The following CTSC variants were observed in gnomAD, a reference collection of about 807,000 sequenced individuals.
The protein encoded by CTSC is cathepsin C.
CTSC carries 37 observed loss-of-function variants against 40.9 expected under a neutral mutation model. The observed-to-expected ratio is 0.91, with a 90% CI of 0.70 to 1.19. CTSC has a LOEUF of 1.19. CTSC is among the 50% of genes most tolerant of loss of function. The pLI is 0.00. For missense variants in CTSC, 594 were observed against 567.3 expected (o/e 1.05, Z -0.48); for synonymous variants, 232 against 207.4 (o/e 1.12, Z -1.02).
chr11:88,309,650 T>C (rs907987339), intron 3 of CTSC, among the ~76,000 whole-genome samples: 7 of 152,166 alleles, frequency 4.6e-5, no homozygotes, highest in Non-Finnish European at 8.8e-5. Flanking sequence ...TAGAAAGTTA[T>C]TTAATGATAT....
At chr11:88,301,230 C>T (rs1238945824) in intron 4 of CTSC, among the ~76,000 whole-genome samples, 2 of 152,076 alleles carry the variant, frequency 1.3e-5, no homozygotes, top group Non-Finnish European at 2.9e-5. Context: ...GGCTTTGTCA[C>T]TTCACTTCAT....
intron 2 of CTSC, chr11:88,325,389 T>C: frequency 1.0e-6 from 1 of 985,412 alleles, no homozygotes; most frequent in South Asian, 4.7e-5. Context: ...AACTTCAACA[T>C]GAGCCCATGC....
intron 2 of CTSC, chr11:88,320,762 C>G: frequency 2.1e-6 from 2 of 948,334 alleles, no homozygotes; most frequent in East Asian, 2.3e-4. Context: ...CCTCTAAGGA[C>G]ACAAAGGTAA....
At chr11:88,298,785 AG>A (rs1944325540) in intron 5 of CTSC, 1 of 152,218 alleles carries the variant, frequency 6.6e-6, no homozygotes, top group Non-Finnish European at 1.5e-5. Context: ...CAAAGAATAA[AG>A]AACATGGGAG....
At chr11:88,295,761 T>C (rs1405830560) in intron 6 of CTSC, among the ~76,000 whole-genome samples, 1 of 152,126 alleles carries the variant, frequency 6.6e-6, no homozygotes, top group Non-Finnish European at 1.5e-5. Context: ...TTGGAGACGA[T>C]GATTAGAAGT....
At chr11:88,336,637 T>C (rs986370781) in intron 1 of CTSC, among the ~76,000 whole-genome samples, 1 of 152,186 alleles carries the variant, frequency 6.6e-6, no homozygotes, top group Non-Finnish European at 1.5e-5. Context: ...TTAATCTTTG[T>C]TCTGTTGACA....
chr11:88,320,148 T>C (rs1427225844), intron 2 of CTSC, among the ~76,000 whole-genome samples: 1 of 152,190 alleles, frequency 6.6e-6, no homozygotes, highest in East Asian at 1.9e-4. Flanking sequence ...AGTCGAATTG[T>C]AATAAAATGC....
At chr11:88,324,443 G>T in intron 2 of CTSC, 1 of 978,514 alleles carries the variant, frequency 1.0e-6, no homozygotes, top group Non-Finnish European at 1.2e-6. Flanking sequence ...ATTCTTTAGA[G>T]CAGGGAATCA....
intron 2 of CTSC, chr11:88,326,568 G>T: frequency 4.3e-6 from 3 of 691,732 alleles, no homozygotes; most frequent in Admixed American, 2.6e-5. Flanking sequence ...TGAGATCCTG[G>T]TATATTTTTG....
intron 2 of CTSC, chr11:88,326,296 ACTCCAGAAGG>A: frequency 6.2e-7 from 1 of 1,602,230 alleles, no homozygotes. Context: ...GCAAATAAAG[ACTCCAGAAGG>A]GACTGTAGCT....
chr11:88,335,825 A>T (rs1241121064), intron 1 of CTSC, among the ~76,000 whole-genome samples: 9 of 152,238 alleles, frequency 5.9e-5, no homozygotes, highest in Non-Finnish European at 1.2e-4. Flanking sequence ...CCTAAGGAAG[A>T]CAATGTGCTA....
At chr11:88,309,960 T>C (rs1027566208) in intron 3 of CTSC, among the ~76,000 whole-genome samples, 4 of 151,986 alleles carry the variant, frequency 2.6e-5, no homozygotes. Context: ...ATAACCTTTT[T>C]AATAAGAAAA....
At chr11:88,330,582 C>A (rs180974256) in intron 2 of CTSC, among the ~76,000 whole-genome samples, 41 of 152,086 alleles carry the variant, frequency 2.7e-4, no homozygotes, top group African/African-American at 9.2e-4. Flanking sequence ...CGCCTGACCT[C>A]AGGTGATCGC....
Position 88,300,457 on chromosome 11 carries a change from T to C in CTSC, c.757+73A>G, listed in dbSNP as rs1036666219. The C allele has an allele frequency of 2.3e-5, 21 of 916,128 alleles. 1 individual carries two copies. The highest frequency in any genetic ancestry group is 9.3e-5 in the South Asian group (7 of 75,220). The allele number at this position is 916,128 out of a possible 1,614,324, so 56.7% of individuals were successfully genotyped here. On this transcript the variant is annotated intron_variant, in intron 5 of 6. Coordinates refer to ENST00000227266, the MANE Select transcript of CTSC (RefSeq NM_001814.6). The stretch of plus-strand genomic sequence containing the variant: ...CCATTCCATCTAGGTATCCCCGAAA[T>C]CCATCACACAGAGCAACTGTTCAAT...
intron 2 of CTSC, among the ~76,000 whole-genome samples, chr11:88,314,792 T>G (rs1937839608): frequency 6.6e-6 from 1 of 152,176 alleles, no homozygotes; most frequent in Admixed American, 6.5e-5. Flanking sequence ...CCTCCCAAAG[T>G]GCTGGGATTA....
intron 1 of CTSC, among the ~76,000 whole-genome samples, chr11:88,336,342 C>T (rs1938493050): frequency 6.6e-6 from 1 of 151,096 alleles, no homozygotes. Flanking sequence ...AGATGGAGAC[C>T]ATCCTGGCTA....
chr11:88,312,685 T>C (rs1325263217), intron 2 of CTSC, 131 bp from the exon 3 acceptor site: 9 of 976,662 alleles, frequency 9.2e-6, no homozygotes, highest in Non-Finnish European at 1.2e-5. Context: ...GGTTACACTG[T>C]AAGAATTATT....
At chr11:88,316,371 C>T (rs1030054281) in intron 2 of CTSC, among the ~76,000 whole-genome samples, 5 of 151,914 alleles carry the variant, frequency 3.3e-5, no homozygotes, top group Admixed American at 6.6e-5. Flanking sequence ...CACTTTGGAA[C>T]GCCGAGGTTG....
intron 2 of CTSC, among the ~76,000 whole-genome samples, chr11:88,318,103 A>C (rs1405977458): frequency 6.6e-6 from 1 of 152,114 alleles, no homozygotes; most frequent in African/African-American, 2.4e-5. Context: ...GCTTTTTGAC[A>C]CTGAGGAGAG....
Sources: gnomAD v4.1 joint callset for allele counts (sites outside exome capture counted in the v4.1 genomes callset) on GRCh38, gnomAD v4.1.1 for gene constraint, MANE v1.5 for transcripts, NCBI Gene and HGNC (gene_info 2026-07-23, HGNC 2026-07-21) for gene names.